SLBP: variants seen among roughly 807,000 people sequenced by gnomAD.
SLBP encodes histone RNA hairpin-binding protein.
In SLBP, 29 loss-of-function variants were observed where a neutral mutation model predicts 39.2. The observed-to-expected ratio is 0.74, with a 90% CI of 0.55 to 1.01. The LOEUF is 1.01. Among genes scored for constraint, SLBP ranks in the 50% least tolerant of loss-of-function variants. The pLI is 0.00. For synonymous variants in SLBP, 129 were observed against 118.7 expected, an observed-to-expected ratio of 1.09 and a Z score of -0.57; for missense variants, 390 against 350.2, an observed-to-expected ratio of 1.11 and a Z score of -0.91.
chr4:1,702,978 G>T (rs1437430849), intron 3 of SLBP, among the ~76,000 whole-genome samples: 1 of 152,170 alleles, frequency 6.6e-6, no homozygotes, highest in African/African-American at 2.4e-5. Context: ...CGGGCACAGT[G>T]ACTCATGCCT....
intron 6 of SLBP, among the ~76,000 whole-genome samples, chr4:1,695,423 TTCTC>T (rs904277355): frequency 3.3e-4 from 50 of 152,298 alleles, no homozygotes; most frequent in African/African-American, 1.2e-3. Flanking sequence ...TACACGATCA[TTCTC>T]TCTACCTTCC....
Position 1,700,034 on chromosome 4 carries a change from T to C in SLBP, c.318A>G (p.Arg106=), listed in dbSNP as rs750650151. ...KRKLLINDFG[R]ERKSSSGSSD... ...ACCTTCCTGATGATGATTTTCTCTC[T>C]CTTCCAAAGTCATTGATGAGGAGTT... Residue 106 remains arginine, a synonymous_variant, in exon 4 of 8, where the codon AGA becomes AGG. Coordinates refer to ENST00000489418, the MANE Select transcript of SLBP (RefSeq NM_006527.4). 2 of 1,600,420 alleles carry C rather than the reference T, an allele frequency of 1.2e-6. No individual in the cohort carries two copies. Among genetic ancestry groups the C allele is most frequent in the Non-Finnish European group, 1.7e-6 (2 of 1,171,060 alleles).
At chr4:1,696,894 C>T (rs1716126401) in intron 5 of SLBP, among the ~76,000 whole-genome samples, 1 of 148,598 alleles carries the variant, frequency 6.7e-6, no homozygotes, top group African/African-American at 2.5e-5. Flanking sequence ...GAGACTTCAC[C>T]TCCAAAAAAA....
intron 2 of SLBP, among the ~76,000 whole-genome samples, chr4:1,705,325 T>C (rs1354125878): frequency 3.9e-5 from 6 of 152,220 alleles, no homozygotes; most frequent in African/African-American, 7.2e-5. Flanking sequence ...CATTAACCAG[T>C]TGAGAAATGA....
intron 2 of SLBP, among the ~76,000 whole-genome samples, chr4:1,707,489 T>A (rs1027779342): frequency 1.4e-5 from 2 of 146,468 alleles, no homozygotes; most frequent in African/African-American, 2.4e-5. Flanking sequence ...CTAAAAAAAA[T>A]AATAATTAAA....
At chr4:1,699,976 T>C in intron 4 of SLBP, 35 bp downstream of exon 4, 2 of 1,454,518 alleles carry the variant, frequency 1.4e-6, no homozygotes, top group Non-Finnish European at 1.9e-6. Flanking sequence ...TACAGGTCTA[T>C]CAAATTAGAA....
In SLBP at chr4:1,694,766, G is replaced by A; in HGVS notation, c.696+8C>T. 1 of 1,601,838 alleles carries A rather than the reference G, an allele frequency of 6.2e-7. No homozygotes were observed. Among genetic ancestry groups the A allele is most frequent in the Non-Finnish European group, 8.6e-7 (1 of 1,168,754 alleles). On this transcript the variant is annotated splice_region_variant and intron_variant, in intron 7 of 7. Transcript: ENST00000489418. ...CCCCAAGCTGAAAGACTTATCCAAA[G>A]TACTTACAAAGTCATCCTGAGAGCT...
intron 2 of SLBP, 31 bp from the exon 3 acceptor site, chr4:1,703,731 T>G: frequency 7.3e-7 from 1 of 1,376,234 alleles, no homozygotes. Context: ...TACTGAACCA[T>G]GACACATACT....
At position 1,699,460 on chromosome 4, in the gene SLBP, G is replaced by C; in HGVS notation, c.479+104C>G. On this transcript the variant is annotated intron_variant, in intron 5 of 7. Coordinates refer to ENST00000489418, the MANE Select transcript of SLBP (RefSeq NM_006527.4). Reference sequence around the variant, plus strand: ...GTCCCTATTAAATAGCTCTTAGCAGGTGTGAACTATCCCCAGCATCATTTG... The same window carrying C: ...GTCCCTATTAAATAGCTCTTAGCAGCTGTGAACTATCCCCAGCATCATTTG... 3.7e-6 allele frequency: 4 copies of C among 1,088,134 alleles called. No homozygotes were observed. In the South Asian group the frequency reaches 4.3e-5, roughly 12 times the overall value. 67.4% of individuals were successfully genotyped at this position (1,088,134 alleles called of 1,614,324 possible).
At chr4:1,698,696 G>C (rs929040907) in intron 5 of SLBP, among the ~76,000 whole-genome samples, 3 of 151,958 alleles carry the variant, frequency 2.0e-5, no homozygotes, top group African/African-American at 2.4e-5. Flanking sequence ...GTGTTAGCCA[G>C]GGTGGTCTCG....
chr4:1,708,635 A>G (rs1716614293), intron 2 of SLBP, among the ~76,000 whole-genome samples: 1 of 152,240 alleles, frequency 6.6e-6, no homozygotes, highest in South Asian at 2.1e-4. Flanking sequence ...GTGAATGACC[A>G]TATACTACAT....
chr4:1,703,686 T>C lies in SLBP; in HGVS notation c.191A>G (p.Glu64Gly). ...GCATCTGGAACGGGGTTTAGGGCCT[T>C]CAGGAGTGGTAAAGCTGCAATAAAA... ...ERRPESFTTP[E>G]GPKPRSRCSD... Residue 64 changes from glutamate (E) to glycine (G), a missense_variant, in exon 3 of 8, where the codon GAA (glutamate) becomes GGA (glycine). Coordinates refer to ENST00000489418, the MANE Select transcript of SLBP (RefSeq NM_006527.4). The C allele has an allele frequency of 6.2e-7, 1 of 1,611,698 alleles. No individual in the cohort carries two copies. The highest frequency in any genetic ancestry group is 8.5e-7 in the Non-Finnish European group (1 of 1,177,786).
At chr4:1,693,745 T>C (rs750120611) in intron 7 of SLBP, 32 bp from the exon 8 acceptor site, 2 of 1,427,538 alleles carry the variant, frequency 1.4e-6, no homozygotes, top group Non-Finnish European at 2.0e-6. Flanking sequence ...CGGTTGACAT[T>C]CATCTCACCC....
At position 1,699,594 on chromosome 4, in the gene SLBP, G is replaced by A; in HGVS notation, c.449C>T (p.Ala150Val). The A allele has an allele frequency of 1.2e-6, 2 of 1,613,808 alleles. No homozygotes were observed. The highest frequency in any genetic ancestry group is 8.5e-7 in the Non-Finnish European group (1 of 1,179,764). The change falls in exon 5 of 8, where the codon GCC (alanine) becomes GTC (valine). Residue 150 changes from alanine to valine, a missense_variant. Coordinates refer to ENST00000489418, the MANE Select transcript of SLBP (RefSeq NM_006527.4). The stretch of plus-strand genomic sequence containing the variant: ...GACTTCTTTAATATAACGATCGTAG[G>A]CAATTGTGTTCTTCCCATAGTTGAT... ...KQINYGKNTI[A>V]YDRYIKEVPR... is the part of the protein sequence containing the mutation.
rs1233228121 is a variant in SLBP, at chr4:1,712,290, C to T, written c.-102G>A. The T allele has an allele frequency of 1.5e-6, 1 of 686,078 alleles. No individual in the cohort carries two copies. Among genetic ancestry groups the T allele is most frequent in the Non-Finnish European group, 2.1e-6 (1 of 475,870 alleles). 42.5% of individuals were successfully genotyped at this position (686,078 alleles called of 1,614,324 possible). A position where few individuals can be genotyped will look rare whatever the true frequency, so the allele number is the denominator to read the frequency against. ...CAGGGCAGGGCCTGAGGCAGAAACC[C>T]GCGTCCCCGCGCCGGCGCTCACGAG... On this transcript the variant is annotated 5_prime_UTR_variant, in exon 1 of 8. Coordinates refer to ENST00000489418, the MANE Select transcript of SLBP (RefSeq NM_006527.4).
chr4:1,703,482 C>G, intron 3 of SLBP, 114 bp downstream of exon 3: 1 of 718,042 alleles, frequency 1.4e-6, no homozygotes, highest in Non-Finnish European at 2.5e-6. Flanking sequence ...AATGTTGATG[C>G]CTTTGGTCTG....
At chr4:1,707,617 C>T (rs1716572466) in intron 2 of SLBP, among the ~76,000 whole-genome samples, 1 of 152,076 alleles carries the variant, frequency 6.6e-6, no homozygotes, top group Admixed American at 6.6e-5. Context: ...TTTTATTTTT[C>T]TACCCCATTT....
At chr4:1,707,542 C>T (rs949992001) in intron 2 of SLBP, among the ~76,000 whole-genome samples, 4 of 152,032 alleles carry the variant, frequency 2.6e-5, no homozygotes, top group African/African-American at 9.7e-5. Context: ...CTTAAGGCTT[C>T]GAGCCCCAAA....
rs1431339552 is a variant in SLBP at position 1,693,387 on chromosome 4, C to T, written c.*210G>A. 1 of 490,746 alleles carries T rather than the reference C, an allele frequency of 2.0e-6. No individual in the cohort carries two copies. The highest frequency in any genetic ancestry group is 3.5e-5 in the East Asian group (1 of 28,584). The allele number at this position is 490,746 out of a possible 1,614,324, so 30.4% of individuals were successfully genotyped here. A position where few individuals can be genotyped will look rare whatever the true frequency, so the allele number is the denominator to read the frequency against. ...GCTTCAAGTACTTTCTTGGACTTAGCTCCATTTACAATTTAAAACATGCAA... is the reference window on the plus strand; with the variant it reads ...GCTTCAAGTACTTTCTTGGACTTAGTTCCATTTACAATTTAAAACATGCAA... On this transcript the variant is annotated 3_prime_UTR_variant, in exon 8 of 8. Coordinates refer to ENST00000489418, the MANE Select transcript of SLBP (RefSeq NM_006527.4).
Sources: gnomAD v4.1 joint callset for allele counts (sites outside exome capture counted in the v4.1 genomes callset) on GRCh38, gnomAD v4.1.1 for gene constraint, MANE v1.5 for transcripts, NCBI Gene and HGNC (gene_info 2026-07-23, HGNC 2026-07-21) for gene names.